Variants in PLGRKT observed in about 807,000 individuals in gnomAD.
PLGRKT encodes plasminogen receptor (KT).
Under a neutral mutation model 18.5 loss-of-function variants are expected in PLGRKT, and 22 were observed. The ratio of observed to expected loss-of-function variants is 1.19; its 90% CI spans 0.85 to 1.70. The LOEUF (loss-of-function observed/expected upper bound fraction) is 1.70, where lower values mean the gene tolerates loss of function less well. PLGRKT is among the 40% of genes most tolerant of loss of function. PLGRKT has a pLI of 0.00. For synonymous variants in PLGRKT, 72 were observed against 52.8 expected (o/e 1.36, Z -1.58); for missense variants, 235 against 174.4 (o/e 1.35, Z -1.96).
chr9:5,358,215 G>A lies in PLGRKT; in HGVS notation c.*24C>T. The A allele has an allele frequency of 1.3e-6, 2 of 1,585,660 alleles. No individual in the cohort carries two copies. Among genetic ancestry groups the A allele is most frequent in the Non-Finnish European group, 1.7e-6 (2 of 1,158,174 alleles). On this transcript the variant is annotated 3_prime_UTR_variant, in exon 6 of 6. Transcript: ENST00000223864. ...ATTCAAGTCAATAATTCTGTGCTTT[G>A]AGATTTGATTGGTAAGCATGATTTC...
intron 4 of PLGRKT, 152 bp downstream of exon 4, chr9:5,361,606 G>T: frequency 1.5e-6 from 1 of 662,640 alleles, no homozygotes; most frequent in Non-Finnish European, 2.5e-6. Flanking sequence ...TGCTTTCACA[G>T]AGTTACCCCC....
chr9:5,363,626 C>T (rs1353788087), intron 3 of PLGRKT, among the ~76,000 whole-genome samples: 1 of 152,154 alleles, frequency 6.6e-6, no homozygotes, highest in Non-Finnish European at 1.5e-5. Flanking sequence ...CAACATTCTC[C>T]ACAGGAAGCA....
intron 3 of PLGRKT, among the ~76,000 whole-genome samples, chr9:5,422,963 C>A (rs1399714611): frequency 6.6e-6 from 1 of 152,104 alleles, no homozygotes; most frequent in Admixed American, 6.5e-5. Flanking sequence ...AAACACCTGG[C>A]TGACTTATTT....
chr9:5,379,885 A>G (rs1319327022), intron 3 of PLGRKT, among the ~76,000 whole-genome samples: 2 of 152,210 alleles, frequency 1.3e-5, no homozygotes, highest in South Asian at 4.1e-4. Context: ...TTTCTCCCCA[A>G]TAATTTCATG....
At chr9:5,419,526 G>A (rs1053127865) in intron 3 of PLGRKT, among the ~76,000 whole-genome samples, 2 of 152,036 alleles carry the variant, frequency 1.3e-5, no homozygotes, top group African/African-American at 2.4e-5. Flanking sequence ...AGCGGCCGCC[G>A]CGAGCCACAA....
chr9:5,373,085 C>G (rs1219099833), intron 3 of PLGRKT, among the ~76,000 whole-genome samples: 1 of 152,130 alleles, frequency 6.6e-6, no homozygotes, highest in African/African-American at 2.4e-5. Context: ...AAATCCTTCA[C>G]CTTTCTATAT....
chr9:5,423,934 TTA>T (rs1403716722), intron 3 of PLGRKT, among the ~76,000 whole-genome samples: 3 of 144,580 alleles, frequency 2.1e-5, no homozygotes, highest in Non-Finnish European at 4.5e-5. Context: ...CTGTTATATA[TTA>T]TATATAGTAA....
chr9:5,432,515 C>G (rs937234616), intron 2 of PLGRKT, among the ~76,000 whole-genome samples: 1 of 151,418 alleles, frequency 6.6e-6, no homozygotes, highest in East Asian at 1.9e-4. Context: ...CCCCCTCCCT[C>G]TTTCTACGGT....
At position 5,358,399 on chromosome 9, in the gene PLGRKT, G is replaced by C. The variant is rs767236518; in HGVS notation, c.323-39C>G. On this transcript the variant is annotated intron_variant, in intron 5 of 5. Transcript: ENST00000223864. ...CAGAAATACACAAGGTGACAAAGGGGTCATCAGCAATTTGTGACAAAGCCT... is the reference window on the plus strand; with the variant it reads ...CAGAAATACACAAGGTGACAAAGGGCTCATCAGCAATTTGTGACAAAGCCT... 1.6e-5 allele frequency: 25 copies of C among 1,602,002 alleles called. No individual in the cohort carries two copies. The South Asian group carries it at 2.8e-4, about 18-fold the overall frequency.
At chr9:5,408,875 C>A (rs1022421548) in intron 3 of PLGRKT, among the ~76,000 whole-genome samples, 1 of 152,238 alleles carries the variant, frequency 6.6e-6, no homozygotes, top group African/African-American at 2.4e-5. Context: ...AGCTTCAGGT[C>A]AGATACAGCT....
chr9:5,361,018 G>T, intron 5 of PLGRKT, 60 bp downstream of exon 5: 1 of 894,732 alleles, frequency 1.1e-6, no homozygotes. Context: ...TCCTAAGGCA[G>T]GGATCCTTGA....
At chr9:5,377,447 G>C (rs1408074711) in intron 3 of PLGRKT, among the ~76,000 whole-genome samples, 1 of 152,086 alleles carries the variant, frequency 6.6e-6, no homozygotes, top group African/African-American at 2.4e-5. Context: ...TGACATAAGA[G>C]ACTATTCATT....
intron 3 of PLGRKT, among the ~76,000 whole-genome samples, chr9:5,415,673 A>T (rs1042659497): frequency 6.6e-6 from 1 of 152,224 alleles, no homozygotes; most frequent in African/African-American, 2.4e-5. Context: ...CAATGCAACA[A>T]GGAAGACACA....
chr9:5,361,780 CA>C lies in PLGRKT; in HGVS notation c.189del (p.Ala64GlnfsTer5), dbSNP rs752488781. 6.2e-7 allele frequency: 1 copy of C among 1,612,252 alleles called. No homozygotes were observed. On this transcript the variant is annotated frameshift_variant, in exon 4 of 6. Coordinates refer to ENST00000223864, the MANE Select transcript of PLGRKT (RefSeq NM_018465.4). LOFTEE classifies it high-confidence loss of function. ...TACCCAGCTGTTAAAGAGATGGCTGCAAGGCCAAAAAAAGTTCCAAAATATT... is the reference window on the plus strand; with the variant it reads ...TACCCAGCTGTTAAAGAGATGGCTGCAGGCCAAAAAAAGTTCCAAAATATT... ...FLKYFGTFFG[L>X]AAISLTAGAI...
Position 5,378,773 on chromosome 9 carries a change from A to G in PLGRKT, c.82-16885T>C, listed in dbSNP as rs148400338. On this transcript the variant is annotated intron_variant, in intron 3 of 5. Transcript: ENST00000223864. Reference sequence around the variant, plus strand: ...AATACAAAAAAAAATTACAAATTATAAATAATAATGGTAGGATTTAACCAT... The same window carrying G: ...AATACAAAAAAAAATTACAAATTATGAATAATAATGGTAGGATTTAACCAT... 7.1e-3 allele frequency among the ~76,000 whole-genome samples: 1,074 copies of G among 152,322 alleles called. 8 individuals are homozygous for G. The highest frequency in any genetic ancestry group is 0.025 in the African/African-American group (1,028 of 41,570).
intron 3 of PLGRKT, among the ~76,000 whole-genome samples, chr9:5,428,510 G>C (rs1818745109): frequency 6.6e-6 from 1 of 152,198 alleles, no homozygotes; most frequent in Admixed American, 6.5e-5. Context: ...ATGGCTCTGA[G>C]TGGCCATTCT....
At chr9:5,430,019 C>G (rs370230418) in intron 3 of PLGRKT, among the ~76,000 whole-genome samples, 8 of 152,320 alleles carry the variant, frequency 5.3e-5, no homozygotes, top group African/African-American at 1.9e-4. Context: ...GCTCCCTAAG[C>G]TCAACGCTGC....
In PLGRKT at chr9:5,418,752, C is replaced by G. The variant is rs1406007173; in HGVS notation, c.81+13145G>C. ...AAGCGTGTGGAATGGTGATGACAGC[C>G]AGGACCTCGGGGTCGTCGAGGAGCT... is the stretch of plus-strand genomic sequence containing the variant. On this transcript the variant is annotated intron_variant, in intron 3 of 5. Transcript: ENST00000223864. The surrounding 1 kb of genome is among the most constrained non-coding windows in gnomAD (Gnocchi z 4.2). 2.9e-6 allele frequency: 2 copies of G among 700,192 alleles called. No individual in the cohort carries two copies. The highest frequency in any genetic ancestry group is 3.3e-5 in the South Asian group (2 of 61,120). 43.4% of individuals were successfully genotyped at this position (700,192 alleles called of 1,614,324 possible). A position where few individuals can be genotyped will look rare whatever the true frequency, so the allele number is the denominator to read the frequency against.
intron 3 of PLGRKT, among the ~76,000 whole-genome samples, chr9:5,408,855 C>T (rs1371194518): frequency 2.0e-5 from 3 of 152,260 alleles, no homozygotes; most frequent in African/African-American, 4.8e-5. Context: ...ATCACAGTCA[C>T]TCCAGCTCCA....
Sources: gnomAD v4.1 joint callset for allele counts (sites outside exome capture counted in the v4.1 genomes callset) on GRCh38, gnomAD v4.1.1 for gene constraint, Gnocchi (gnomAD v3.1) non-coding constraint, MANE v1.5 for transcripts, NCBI Gene and HGNC (gene_info 2026-07-23, HGNC 2026-07-21) for gene names.